The following MED23 variants were observed in gnomAD, a reference collection of about 807,000 sequenced individuals.
MED23 encodes mediator complex subunit 23, also known as mediator of RNA polymerase II transcription subunit 23.
In MED23, 105 loss-of-function variants were observed where a neutral mutation model predicts 163.9. That is an observed-to-expected ratio of 0.64 (90% CI 0.55 to 0.75). MED23 has a LOEUF of 0.75. Ranked by LOEUF, MED23 falls within the 30% of genes least tolerant of loss-of-function variation. The probability of loss-of-function intolerance (pLI) is 0.00; values close to 1 mark genes in which losing one functional copy is unlikely to be tolerated. For missense variants in MED23, 1,054 were observed against 1,649.0 expected (o/e 0.64, Z 6.25); for synonymous variants, 561 against 565.6 (o/e 0.99, Z 0.12).
intron 17 of MED23, among the ~76,000 whole-genome samples, chr6:131,601,092 T>C (rs1422593981): frequency 2.6e-5 from 4 of 152,070 alleles, no homozygotes; most frequent in East Asian, 1.9e-4. Flanking sequence ...CAGAAAACTA[T>C]AGCTAGCTAG....
At chr6:131,593,806 T>C (rs938470681) in intron 23 of MED23, among the ~76,000 whole-genome samples, 5 of 152,156 alleles carry the variant, frequency 3.3e-5, no homozygotes, top group Admixed American at 6.5e-5. Flanking sequence ...ATATAGTATG[T>C]AAGAATAAGA....
chr6:131,616,007 A>G lies in MED23; in HGVS notation c.781-5T>C, dbSNP rs746089647. On this transcript the variant is annotated splice_region_variant and splice_polypyrimidine_tract_variant and intron_variant, in intron 9 of 28. Transcript: ENST00000368068. ...AGTCTGTGGTTCAAACAGATCCTTT[A>G]AAGAAAATAAGAAAATCATTGCTTC... The G allele has an allele frequency of 1.2e-6, 2 of 1,602,296 alleles. No individual in the cohort carries two copies. Among genetic ancestry groups the G allele is most frequent in the South Asian group, 2.2e-5 (2 of 90,776 alleles).
At chr6:131,612,627 C>A (rs1379651401) in intron 10 of MED23, among the ~76,000 whole-genome samples, 1 of 151,916 alleles carries the variant, frequency 6.6e-6, no homozygotes, top group Admixed American at 6.6e-5. Flanking sequence ...TAACTATATG[C>A]CTATTTAGTT....
intron 4 of MED23, among the ~76,000 whole-genome samples, chr6:131,623,747 C>T (rs529214546): frequency 6.6e-6 from 1 of 152,248 alleles, no homozygotes; most frequent in South Asian, 2.1e-4. Flanking sequence ...GATGAGGTGC[C>T]TTTTGCCATT....
Position 131,604,252 on chromosome 6 carries a change from G to A in MED23, c.1682C>T (p.Pro561Leu), listed in dbSNP as rs2114664722. Residue 561 changes from proline to leucine, a missense_variant, in exon 15 of 29, where the codon CCA (proline) becomes CTA (leucine). Physicochemically the swap from Pro to Leu is moderately conservative, Grantham distance 98. Transcript: ENST00000368068. ...AHAKSSVALA[P>L]ALVETYSRLL... ...ACGACTGTAAGTTTCCACTAGGGCT[G>A]GAGCCAAGGCCACACTGGACTTTGC... The A allele has an allele frequency of 6.2e-7, 1 of 1,613,876 alleles. No individual in the cohort carries two copies. Among genetic ancestry groups the A allele is most frequent in the Non-Finnish European group, 8.5e-7 (1 of 1,179,814 alleles).
intron 13 of MED23, 60 bp downstream of exon 13, chr6:131,606,419 A>G: frequency 6.5e-7 from 1 of 1,548,544 alleles, no homozygotes; most frequent in Non-Finnish European, 8.9e-7. Context: ...GACCAATATT[A>G]GTCTACAATC....
downstream of MED23, chr6:131,583,507 A>C: frequency 1.9e-6 from 3 of 1,614,000 alleles, no homozygotes; most frequent in Non-Finnish European, 2.5e-6. Context: ...TAACAATCTG[A>C]GGTAATAGAG....
At chr6:131,609,754 A>G (rs1345027057) in intron 11 of MED23, among the ~76,000 whole-genome samples, 1 of 147,416 alleles carries the variant, frequency 6.8e-6, no homozygotes, top group African/African-American at 2.5e-5. Context: ...ATGTATATAT[A>G]TATATATAAA....
intron 10 of MED23, among the ~76,000 whole-genome samples, chr6:131,614,338 T>C (rs1399738988): frequency 1.3e-5 from 2 of 152,194 alleles, no homozygotes; most frequent in African/African-American, 4.8e-5. Context: ...TCCTTAAAAA[T>C]AGGGCTTTAT....
chr6:131,615,434 C>G lies in MED23; in HGVS notation c.876+473G>C, dbSNP rs1776606106. 3.2e-6 allele frequency: 4 copies of G among 1,231,344 alleles called. No individual in the cohort carries two copies. The Admixed American group carries it at 5.4e-5, about 17-fold the overall frequency. 76.3% of individuals were successfully genotyped at this position (1,231,344 alleles called of 1,614,324 possible). On this transcript the variant is annotated intron_variant, in intron 10 of 28. Coordinates refer to ENST00000368068, the MANE Select transcript of MED23 (RefSeq NM_004830.4). ...GACAAAACAGTGACTATGAGGCCAG[C>G]CTCAAGGAACCCAGAGTCAGCACAA...
downstream of MED23, chr6:131,582,656 C>A (rs1773988131): frequency 6.2e-7 from 1 of 1,613,764 alleles, no homozygotes; most frequent in Admixed American, 1.7e-5. Flanking sequence ...GGGTGACTCC[C>A]TGTATATCTG....
intron 22 of MED23, 50 bp from the exon 23 acceptor site, chr6:131,594,385 CTG>C (rs777869020): frequency 1.5e-6 from 2 of 1,337,718 alleles, no homozygotes; most frequent in Non-Finnish European, 2.2e-6. Context: ...TTACTAATAA[CTG>C]TGAAAAACTG....
Position 131,603,185 on chromosome 6 carries a change from A to G in MED23, c.1776T>C (p.Val592=). The change falls in exon 16 of 29, where the codon GTT becomes GTC. Residue 592 remains valine, a synonymous_variant. Coordinates refer to ENST00000368068, the MANE Select transcript of MED23 (RefSeq NM_004830.4). The part of the protein sequence containing the change: ...KGFISQLLPT[V]FKSHAWGILH... The stretch of plus-strand genomic sequence containing the variant: ...AGATCCCCCATGCATGTGATTTGAA[A>G]ACAGTTGGCAAAAGCTGACCTGGAG... 6.2e-7 allele frequency: 1 copy of G among 1,613,906 alleles called. No individual in the cohort carries two copies. Among genetic ancestry groups the G allele is most frequent in the African/African-American group, 1.3e-5 (1 of 75,020 alleles).
At chr6:131,579,793 A>G (rs926412138) in intron 30 of MED23, 1 of 160,336 alleles carries the variant, frequency 6.2e-6, no homozygotes, top group Non-Finnish European at 1.4e-5. Context: ...CTTTCATGGC[A>G]TCTTTTTTTT....
At chr6:131,582,489 T>C (rs1296193003), downstream of MED23, 2 of 755,318 alleles carry the variant, frequency 2.6e-6, no homozygotes, top group Non-Finnish European at 4.4e-6. Flanking sequence ...TTGTGTATTA[T>C]TTTTACATGA....
chr6:131,628,214 A>T lies in MED23; in HGVS notation c.-165T>A. On this transcript the variant is annotated 5_prime_UTR_variant, in exon 1 of 29. Coordinates refer to ENST00000368068, the MANE Select transcript of MED23 (RefSeq NM_004830.4). Reference sequence around the variant, plus strand: ...ACCTGGAGCGTTCCCTCCCGAGCCCAGCCAACAGCAGGAACCTGTACGGAA... The same window carrying T: ...ACCTGGAGCGTTCCCTCCCGAGCCCTGCCAACAGCAGGAACCTGTACGGAA... 3 of 751,032 alleles carry T rather than the reference A, an allele frequency of 4.0e-6. No individual in the cohort carries two copies. The South Asian group carries it at 4.5e-5, about 11-fold the overall frequency. The allele number at this position is 751,032 out of a possible 1,614,324, so 46.5% of individuals were successfully genotyped here. A position where few individuals can be genotyped will look rare whatever the true frequency, so the allele number is the denominator to read the frequency against.
intron 15 of MED23, 64 bp from the exon 16 acceptor site, chr6:131,603,268 G>C: frequency 6.7e-7 from 1 of 1,487,668 alleles, no homozygotes; most frequent in Non-Finnish European, 9.4e-7. Context: ...GATATTTGAA[G>C]AAAGTCACAT....
chr6:131,594,477 T>A (rs1160001487), intron 22 of MED23, 142 bp from the exon 23 acceptor site: 2 of 744,932 alleles, frequency 2.7e-6, no homozygotes, highest in Non-Finnish European at 4.9e-6. Context: ...TTGTATACTA[T>A]GAATATTTTA....
chr6:131,615,286 T>C (rs1255302174), intron 10 of MED23: 1 of 1,607,824 alleles, frequency 6.2e-7, no homozygotes, highest in Non-Finnish European at 8.5e-7. Context: ...GGCCAGCGTA[T>C]CGTTAGTCAC....
Sources: allele counts gnomAD v4.1 joint callset (sites outside exome capture counted in the v4.1 genomes callset), GRCh38; gene constraint gnomAD v4.1.1; transcripts MANE v1.5; gene names NCBI Gene and HGNC (gene_info 2026-07-23, HGNC 2026-07-21).